BRINP3: variants seen among roughly 807,000 people sequenced by gnomAD.
BRINP3 encodes the protein BMP/retinoic acid-inducible neural-specific protein 3.
Under a neutral mutation model 71.0 loss-of-function variants are expected in BRINP3, and 19 were observed. The observed-to-expected ratio is 0.27, with a 90% confidence interval of 0.19 to 0.39. BRINP3 has a LOEUF of 0.39. BRINP3 is among the 10% of genes least tolerant of loss of function. The pLI is 1.00. For missense variants in BRINP3, 959 were observed against 940.8 expected (o/e 1.02, Z -0.25); for synonymous variants, 380 against 337.7 (o/e 1.13, Z -1.37).
At chr1:190,311,755 G>A (rs1247417130) in intron 2 of BRINP3, among the ~76,000 whole-genome samples, 1 of 150,822 alleles carries the variant, frequency 6.6e-6, no homozygotes, top group Non-Finnish European at 1.5e-5. Flanking sequence ...AATAACTGGT[G>A]ACACTAAAGA....
At chr1:190,183,951 C>T (rs1653272659) in intron 6 of BRINP3, among the ~76,000 whole-genome samples, 2 of 152,076 alleles carry the variant, frequency 1.3e-5, no homozygotes, top group Non-Finnish European at 2.9e-5. Context: ...TGCTAGGTTG[C>T]CACTTTCCTG....
At chr1:190,336,348 C>T (rs986615972) in intron 2 of BRINP3, among the ~76,000 whole-genome samples, 2 of 152,036 alleles carry the variant, frequency 1.3e-5, no homozygotes, top group African/African-American at 4.8e-5. Context: ...AGAATAGTTA[C>T]ATAGTTTTTT....
chr1:190,390,384 T>C (rs554310020), intron 2 of BRINP3, among the ~76,000 whole-genome samples: 83 of 151,882 alleles, frequency 5.5e-4, no homozygotes, highest in African/African-American at 1.9e-3. Context: ...GACCATGGTG[T>C]GAATGCTTAG....
chr1:190,453,203 A>ATTTTTTTTTTTTTT (rs1190785225), intron 2 of BRINP3, among the ~76,000 whole-genome samples: 764 of 40,884 alleles, frequency 0.019, 274 homozygotes, highest in Middle Eastern at 0.026. Context: ...AAACTTTAGT[A>ATTTTTTTTTTTTTT]TTTTTTTTTT....
intron 3 of BRINP3, among the ~76,000 whole-genome samples, chr1:190,277,087 T>TTTTATA (rs1290283215): frequency 5.6e-5 from 2 of 36,006 alleles, no homozygotes; most frequent in Non-Finnish European, 6.7e-5. Context: ...AATTTTGGTT[T>TTTTATA]TATATATATA....
At chr1:190,363,733 C>T (rs1242741680) in intron 2 of BRINP3, among the ~76,000 whole-genome samples, 1 of 151,888 alleles carries the variant, frequency 6.6e-6, no homozygotes, top group East Asian at 1.9e-4. Flanking sequence ...CTAGAGTAAT[C>T]GTAGTAGGAA....
chr1:190,188,699 T>A (rs900068652), intron 6 of BRINP3, among the ~76,000 whole-genome samples: 1 of 152,186 alleles, frequency 6.6e-6, no homozygotes, highest in African/African-American at 2.4e-5. Flanking sequence ...CTGGGATAAA[T>A]CCCACTTAAT....
At chr1:190,221,461 C>T (rs1204468468) in intron 6 of BRINP3, among the ~76,000 whole-genome samples, 1 of 151,896 alleles carries the variant, frequency 6.6e-6, no homozygotes, top group Non-Finnish European at 1.5e-5. Context: ...AAACACACTA[C>T]CAATGAAAAT....
At chr1:190,409,629 G>T (rs538360946) in intron 2 of BRINP3, among the ~76,000 whole-genome samples, 27 of 152,270 alleles carry the variant, frequency 1.8e-4, no homozygotes, top group African/African-American at 6.5e-4. Context: ...TTTAAAAAAT[G>T]ATGTGAATAT....
At chr1:190,100,620 G>C (rs1394775176) in intron 7 of BRINP3, among the ~76,000 whole-genome samples, 1 of 152,080 alleles carries the variant, frequency 6.6e-6, no homozygotes, top group East Asian at 1.9e-4. Flanking sequence ...GAAGTAGCAG[G>C]TAGTAAAGTA....
rs185354694 is a variant in BRINP3, at chr1:190,237,247, C to G, written c.619-2770G>C. ...CACAACTGAATTCACTGATCACTGT[C>G]TGGTTTAATATAAAATTTTACAAAC... is the stretch of plus-strand genomic sequence containing the variant. On this transcript the variant is annotated intron_variant, in intron 4 of 7. Coordinates refer to ENST00000367462, the MANE Select transcript of BRINP3 (RefSeq NM_199051.3). Among the ~76,000 whole-genome samples, 7 of 151,768 alleles carry G rather than the reference C, an allele frequency of 4.6e-5. No individual in the cohort carries two copies. In the East Asian group the frequency reaches 9.7e-4, roughly 21 times the overall value.
intron 1 of BRINP3, among the ~76,000 whole-genome samples, chr1:190,462,411 CAACA>C (rs1439672406): frequency 6.6e-6 from 1 of 151,994 alleles, no homozygotes; most frequent in Non-Finnish European, 1.5e-5. Context: ...AGATCCTAAT[CAACA>C]AACAGCCAAA....
At chr1:190,158,951 C>T (rs815335) in intron 7 of BRINP3, among the ~76,000 whole-genome samples, 57,196 of 151,590 alleles carry the variant, frequency 0.38, 11,022 homozygotes, top group African/African-American at 0.47. Context: ...AATTAATTAT[C>T]TGTATATCAT....
intron 7 of BRINP3, among the ~76,000 whole-genome samples, chr1:190,101,117 C>A (rs780345313): frequency 1.3e-5 from 2 of 152,174 alleles, no homozygotes; most frequent in Non-Finnish European, 2.9e-5. Context: ...CTCCAGAAAC[C>A]TGAACCAATA....
At chr1:190,466,753 TA>T (rs1335246036) in intron 1 of BRINP3, among the ~76,000 whole-genome samples, 1 of 151,620 alleles carries the variant, frequency 6.6e-6, no homozygotes, top group Non-Finnish European at 1.5e-5. Flanking sequence ...TTTTATACAC[TA>T]ATATCTCTGT....
chr1:190,470,651 A>C (rs1284404063), intron 1 of BRINP3, among the ~76,000 whole-genome samples: 1 of 151,228 alleles, frequency 6.6e-6, no homozygotes, highest in Non-Finnish European at 1.5e-5. Flanking sequence ...TAACAATGAA[A>C]TAGAAGAATG....
At chr1:190,287,910 A>G (rs1663559025) in intron 2 of BRINP3, among the ~76,000 whole-genome samples, 1 of 152,138 alleles carries the variant, frequency 6.6e-6, no homozygotes, top group African/African-American at 2.4e-5. Context: ...GTTTTAAATC[A>G]CTTTCATAGC....
intron 6 of BRINP3, among the ~76,000 whole-genome samples, chr1:190,190,315 G>T (rs186105609): frequency 6.6e-6 from 1 of 152,100 alleles, no homozygotes; most frequent in Admixed American, 6.6e-5. Flanking sequence ...ACAGCCTCCC[G>T]TTTCACACAG....
At chr1:190,261,654 C>A (rs778157287) in intron 4 of BRINP3, among the ~76,000 whole-genome samples, 1 of 152,116 alleles carries the variant, frequency 6.6e-6, no homozygotes, top group Non-Finnish European at 1.5e-5. Context: ...TACCAATTAT[C>A]TGTCTCCTAA....
Sources: gnomAD v4.1 joint callset for allele counts (sites outside exome capture counted in the v4.1 genomes callset) on GRCh38, gnomAD v4.1.1 for gene constraint, MANE v1.5 for transcripts, NCBI Gene and HGNC (gene_info 2026-07-23, HGNC 2026-07-21) for gene names.